PRELID2: variants seen among roughly 807,000 people sequenced by gnomAD.
PRELID2 encodes PRELI domain containing 2, also known as PRELI domain-containing protein 2.
In PRELID2, 25 loss-of-function variants were observed where a neutral mutation model predicts 28.4. The ratio of observed to expected loss-of-function variants is 0.88; its 90% CI spans 0.64 to 1.23. PRELID2 has a LOEUF of 1.23. Ranked by LOEUF, PRELID2 falls within the 50% of genes most tolerant of loss-of-function variation. The probability of loss-of-function intolerance (pLI) is 0.00; values close to 1 mark genes in which losing one functional copy is unlikely to be tolerated. For synonymous variants in PRELID2, 76 were observed against 71.6 expected (o/e 1.06, Z -0.31); for missense variants, 201 against 214.4 (o/e 0.94, Z 0.39).
chr5:145,615,200 GT>G (rs1358925058), intron 1 of PRELID2, among the ~76,000 whole-genome samples: 1 of 151,678 alleles, frequency 6.6e-6, no homozygotes, highest in Non-Finnish European at 1.5e-5. Context: ...TTTAAAGTTT[GT>G]TTTGTCTGAT....
the PRELID2 span, among the ~76,000 whole-genome samples, chr5:145,330,226 G>T: frequency 3.9e-5 from 6 of 152,038 alleles, no homozygotes; most frequent in Non-Finnish European, 7.4e-5. Flanking sequence ...ATATTGACCT[G>T]AAATTTTCTT....
At chr5:145,408,035 C>A in the PRELID2 span, among the ~76,000 whole-genome samples, 6 of 152,004 alleles carry the variant, frequency 3.9e-5, no homozygotes, top group East Asian at 9.7e-4. Context: ...GTGGCTAGAC[C>A]CAGAAGGGCA....
intron 1 of PRELID2, among the ~76,000 whole-genome samples, chr5:145,482,877 C>T (rs1022418198): frequency 2.0e-5 from 3 of 151,804 alleles, no homozygotes; most frequent in South Asian, 4.2e-4. Context: ...CAATAGGGTT[C>T]GCGCTCCTAT....
At chr5:145,548,542 C>T (rs900059654) in intron 1 of PRELID2, among the ~76,000 whole-genome samples, 1 of 152,178 alleles carries the variant, frequency 6.6e-6, no homozygotes, top group Non-Finnish European at 1.5e-5. Context: ...TCAACCTACT[C>T]ATGTCCTCTA....
the PRELID2 span, among the ~76,000 whole-genome samples, chr5:145,355,411 G>A: frequency 5.3e-5 from 8 of 152,114 alleles, no homozygotes; most frequent in Middle Eastern, 3.2e-3. Flanking sequence ...ATGTATGTAT[G>A]TGTAGAGATT....
chr5:145,280,107 T>C, the PRELID2 span, among the ~76,000 whole-genome samples: 1 of 152,144 alleles, frequency 6.6e-6, no homozygotes, highest in African/African-American at 2.4e-5. Context: ...TTCTTAGCAA[T>C]TGGCTATCTT....
At chr5:145,628,466 G>A (rs2149656829) in intron 1 of PRELID2, among the ~76,000 whole-genome samples, 1 of 152,222 alleles carries the variant, frequency 6.6e-6, no homozygotes, top group African/African-American at 2.4e-5. Context: ...TGGGACTACA[G>A]GTATATGCCA....
At chr5:145,741,911 T>C (rs1263610941) in intron 1 of PRELID2, among the ~76,000 whole-genome samples, 4 of 121,080 alleles carry the variant, frequency 3.3e-5, no homozygotes. Flanking sequence ...TAAATTTATA[T>C]ATAAATAAAC....
the PRELID2 span, among the ~76,000 whole-genome samples, chr5:145,381,418 T>C: frequency 6.6e-6 from 1 of 152,186 alleles, no homozygotes; most frequent in Non-Finnish European, 1.5e-5. Flanking sequence ...TTTTTTGTTA[T>C]TACTTTTAAT....
At chr5:145,553,711 T>G (rs1580975942) in intron 1 of PRELID2, among the ~76,000 whole-genome samples, 1 of 152,128 alleles carries the variant, frequency 6.6e-6, no homozygotes, top group Admixed American at 6.5e-5. Context: ...ATATAGTGGG[T>G]TTTAGATCAG....
chr5:145,816,644 T>C (rs1314799967), intron 4 of PRELID2, among the ~76,000 whole-genome samples: 4 of 152,156 alleles, frequency 2.6e-5, no homozygotes, highest in Non-Finnish European at 5.9e-5. Flanking sequence ...TTCTTTCGTA[T>C]GTGGATATCC....
At chr5:145,300,747 C>CA in the PRELID2 span, among the ~76,000 whole-genome samples, 1 of 146,766 alleles carries the variant, frequency 6.8e-6, no homozygotes, top group African/African-American at 2.5e-5. Context: ...GGGTATATCC[C>CA]ACTAAGAATA....
At chr5:145,658,502 A>C (rs935139193) in intron 1 of PRELID2, among the ~76,000 whole-genome samples, 1 of 152,156 alleles carries the variant, frequency 6.6e-6, no homozygotes, top group African/African-American at 2.4e-5. Flanking sequence ...ATCTCTCATG[A>C]ATGACTTAGT....
At chr5:145,652,679 C>T (rs369999571) in intron 1 of PRELID2, among the ~76,000 whole-genome samples, 1 of 152,168 alleles carries the variant, frequency 6.6e-6, no homozygotes, top group African/African-American at 2.4e-5. Flanking sequence ...GAAATAAAAT[C>T]CTTTACAGAC....
chr5:145,519,606 G>A lies in PRELID2; in HGVS notation n.71-46291C>T, dbSNP rs147243809. Among the ~76,000 whole-genome samples the A allele has an allele frequency of 5.2e-3, 799 of 152,222 alleles. 11 individuals are homozygous for A. The highest frequency in any genetic ancestry group is 0.018 in the African/African-American group (744 of 41,536). ...GGCTTTATTAGCCATATTTATTTTA[G>A]AGATTCACTGTCATGATAAACCAAT... On this transcript the variant is annotated intron_variant and non_coding_transcript_variant, in intron 1 of 2. Coordinates refer to the PRELID2 transcript ENST00000510259.
At chr5:145,660,847 G>A (rs1754479530) in intron 1 of PRELID2, among the ~76,000 whole-genome samples, 1 of 152,076 alleles carries the variant, frequency 6.6e-6, no homozygotes, top group African/African-American at 2.4e-5. Flanking sequence ...ATAAAACTGG[G>A]AAAAAGCGGT....
At chr5:145,646,371 T>C (rs1754196413) in intron 1 of PRELID2, among the ~76,000 whole-genome samples, 1 of 152,232 alleles carries the variant, frequency 6.6e-6, no homozygotes, top group African/African-American at 2.4e-5. Flanking sequence ...GTGCTGTGTT[T>C]TTCAACTCCA....
At position 145,550,447 on chromosome 5, in the gene PRELID2, G is replaced by A. The variant is rs561212277; in HGVS notation, n.71-77132C>T. On this transcript the variant is annotated intron_variant and non_coding_transcript_variant, in intron 1 of 2. Transcript: ENST00000510259. ...TAAGATTAGCCAGGTGTGGTGGCAC[G>A]TGCCTAGAACTCAGTTGCTATGGAG... 1.8e-3 allele frequency among the ~76,000 whole-genome samples: 273 copies of A among 152,162 alleles called. 3 individuals are homozygous for A. The highest frequency in any genetic ancestry group is 1.9e-3 in the African/African-American group (77 of 41,520).
At chr5:145,511,253 T>G (rs1752458479) in intron 1 of PRELID2, among the ~76,000 whole-genome samples, 1 of 152,220 alleles carries the variant, frequency 6.6e-6, no homozygotes. Context: ...TAGCTTTAAT[T>G]GAGACCTACA....
Sources: gnomAD v4.1 joint callset for allele counts (sites outside exome capture counted in the v4.1 genomes callset) on GRCh38, gnomAD v4.1.1 for gene constraint, MANE v1.5 for transcripts, NCBI Gene and HGNC (gene_info 2026-07-23, HGNC 2026-07-21) for gene names.